Variants in ZFHX3 observed in about 807,000 individuals in gnomAD.
ZFHX3 encodes the protein zinc finger homeobox 3.
In ZFHX3, 42 loss-of-function variants were observed where a neutral mutation model predicts 279.1. The ratio of observed to expected loss-of-function variants is 0.15; its 90% CI spans 0.12 to 0.19. The LOEUF (loss-of-function observed/expected upper bound fraction) is 0.19. ZFHX3 is among the 10% of genes least tolerant of loss of function. ZFHX3 has a pLI of 1.00. For synonymous variants in ZFHX3, 2,293 were observed against 1,957.8 expected (o/e 1.17, Z -4.52); for missense variants, 4,981 against 4,754.0 (o/e 1.05, Z -1.40).
Position 73,670,942 on chromosome 16 carries a change from C to T in ZFHX3, c.-1547+9238G>A, listed in dbSNP as rs931641161. On this transcript the variant is annotated intron_variant, in intron 2 of 17. Coordinates refer to the ZFHX3 transcript ENST00000641206. ...GATGTGCACAAACATTCTACAGTTA[C>T]TAATATGACTTAATGTTCAGTTGCA... Among the ~76,000 whole-genome samples, 5 of 152,190 alleles carry T rather than the reference C, an allele frequency of 3.3e-5. No homozygotes were observed. The East Asian group carries it at 7.7e-4, about 23-fold the overall frequency.
chr16:73,817,524 C>T (rs1960607721), intron 1 of ZFHX3, among the ~76,000 whole-genome samples: 1 of 152,138 alleles, frequency 6.6e-6, no homozygotes. Context: ...GTCTTAAAAT[C>T]GCGGTTCTGA....
chr16:73,436,414 G>A (rs1455474645), intron 3 of ZFHX3, among the ~76,000 whole-genome samples: 1 of 152,168 alleles, frequency 6.6e-6, no homozygotes, highest in Non-Finnish European at 1.5e-5. Context: ...TTACATGGCA[G>A]CAGACAAGAG....
chr16:73,176,278 T>C (rs780026448), intron 5 of ZFHX3, among the ~76,000 whole-genome samples: 23 of 152,326 alleles, frequency 1.5e-4, no homozygotes, highest in Admixed American at 5.9e-4. Context: ...ATGAATTAAC[T>C]CATCAACTAC....
intron 5 of ZFHX3, among the ~76,000 whole-genome samples, chr16:73,180,489 C>T (rs897323724): frequency 7.9e-5 from 12 of 152,258 alleles, no homozygotes; most frequent in South Asian, 6.2e-4. Flanking sequence ...TGAGTGGGCA[C>T]GAAGCCACGC....
intron 3 of ZFHX3, among the ~76,000 whole-genome samples, chr16:72,892,089 G>C (rs546678205): frequency 2.0e-5 from 3 of 152,208 alleles, no homozygotes; most frequent in Non-Finnish European, 2.9e-5. Context: ...CTCACGTACT[G>C]ACATGCACAC....
chr16:73,525,373 A>C (rs2019673904), intron 2 of ZFHX3, among the ~76,000 whole-genome samples: 1 of 152,186 alleles, frequency 6.6e-6, no homozygotes, highest in Admixed American at 6.5e-5. Flanking sequence ...TGTTTGCTGG[A>C]GTTTAGCTAA....
At chr16:72,949,389 G>A (rs886637979) in intron 3 of ZFHX3, among the ~76,000 whole-genome samples, 4 of 152,174 alleles carry the variant, frequency 2.6e-5, no homozygotes, top group Non-Finnish European at 5.9e-5. Flanking sequence ...TGTGGGATCA[G>A]GCCAGGGAGA....
intron 2 of ZFHX3, among the ~76,000 whole-genome samples, chr16:72,954,239 G>A (rs778287884): frequency 6.6e-6 from 1 of 152,154 alleles, no homozygotes; most frequent in African/African-American, 2.4e-5. Context: ...GCATGGTGGC[G>A]CATGCCTGTA....
intron 2 of ZFHX3, among the ~76,000 whole-genome samples, chr16:73,506,364 C>T (rs2019326473): frequency 6.6e-6 from 1 of 152,182 alleles, no homozygotes. Flanking sequence ...CCTCTACTTC[C>T]CTTTCCTTCC....
At chr16:72,966,006 A>T (rs1000075608) in intron 1 of ZFHX3, among the ~76,000 whole-genome samples, 2 of 152,234 alleles carry the variant, frequency 1.3e-5, no homozygotes, top group Admixed American at 6.5e-5. Flanking sequence ...TCATTTCTTT[A>T]TATCCAGGAT....
At chr16:73,022,012 T>C (rs1964317050) in intron 1 of ZFHX3, among the ~76,000 whole-genome samples, 1 of 152,088 alleles carries the variant, frequency 6.6e-6, no homozygotes, top group Admixed American at 6.6e-5. Flanking sequence ...CTTTCTTCAC[T>C]GTGTCCACCG....
intron 1 of ZFHX3, among the ~76,000 whole-genome samples, chr16:72,981,760 TG>T (rs1177621346): frequency 6.6e-6 from 1 of 152,092 alleles, no homozygotes; most frequent in Non-Finnish European, 1.5e-5. Flanking sequence ...CTCTGTGCAA[TG>T]GACTTCTTCA....
intron 4 of ZFHX3, among the ~76,000 whole-genome samples, chr16:73,305,419 C>T (rs371189999): frequency 1.3e-5 from 2 of 151,894 alleles, no homozygotes; most frequent in Non-Finnish European, 2.9e-5. Flanking sequence ...GCAAAGAGGA[C>T]GGTGGATTCA....
chr16:73,768,093 C>A (rs1311226388), intron 1 of ZFHX3, among the ~76,000 whole-genome samples: 1 of 152,144 alleles, frequency 6.6e-6, no homozygotes, highest in Non-Finnish European at 1.5e-5. Flanking sequence ...GTGATGCTAC[C>A]AACCCTTGGC....
intron 3 of ZFHX3, among the ~76,000 whole-genome samples, chr16:72,905,538 C>T (rs1021016616): frequency 2.0e-5 from 3 of 152,128 alleles, no homozygotes; most frequent in Non-Finnish European, 4.4e-5. Context: ...ACCATCGAGA[C>T]GATCAAGACC....
chr16:73,489,291 AT>A (rs2019021905), intron 2 of ZFHX3, among the ~76,000 whole-genome samples: 1 of 152,160 alleles, frequency 6.6e-6, no homozygotes, highest in East Asian at 1.9e-4. Flanking sequence ...TTGGATCTTT[AT>A]TTTTATCCCA....
At chr16:73,742,759 AGGAATTAGTTCAT>A (rs2053670860) in intron 1 of ZFHX3, among the ~76,000 whole-genome samples, 1 of 152,226 alleles carries the variant, frequency 6.6e-6, no homozygotes, top group Non-Finnish European at 1.5e-5. Flanking sequence ...CTACAGAGCT[AGGAATTAGTTCAT>A]GGGTGGTCTC....
chr16:73,535,538 G>T (rs1424300699), intron 2 of ZFHX3, among the ~76,000 whole-genome samples: 7 of 152,146 alleles, frequency 4.6e-5, no homozygotes, highest in Non-Finnish European at 5.9e-5. Context: ...ACTGTGGACA[G>T]ACACTCTCCA....
intron 2 of ZFHX3, among the ~76,000 whole-genome samples, chr16:73,506,906 G>T (rs548262381): frequency 6.6e-6 from 1 of 152,330 alleles, no homozygotes; most frequent in East Asian, 1.9e-4. Flanking sequence ...TGCATATTTT[G>T]TGTCTAGAAA....
Sources: gnomAD v4.1 joint callset for allele counts (sites outside exome capture counted in the v4.1 genomes callset) on GRCh38, gnomAD v4.1.1 for gene constraint, MANE v1.5 for transcripts, NCBI Gene and HGNC (gene_info 2026-07-23, HGNC 2026-07-21) for gene names.